The following CLMP variants were observed in gnomAD, a reference collection of about 807,000 sequenced individuals.
The protein encoded by CLMP is CXADR-like membrane protein.
A neutral mutation model predicts 45.2 loss-of-function variants in CLMP; 27 were observed. That is an observed-to-expected ratio of 0.60 (90% CI 0.44 to 0.82). The LOEUF (loss-of-function observed/expected upper bound fraction) is 0.82, where lower values mean the gene tolerates loss of function less well. Ranked by LOEUF, CLMP falls within the 40% of genes least tolerant of loss-of-function variation. CLMP has a pLI of 0.00. For synonymous variants in CLMP, 167 were observed against 171.4 expected (o/e 0.97, Z 0.20); for missense variants, 403 against 448.4 (o/e 0.90, Z 0.91).
At position 123,154,829 on chromosome 11, in the gene CLMP, T is replaced by G. The variant is rs184432680; in HGVS notation, c.28+40084A>C. ...GATCAGATGTTCTGATGGGCAGTTA[T>G]ACATCCTTTTGATGAATATAATGGG... On this transcript the variant is annotated intron_variant, in intron 1 of 6. Coordinates refer to ENST00000448775, the MANE Select transcript of CLMP (RefSeq NM_024769.5). Among the ~76,000 whole-genome samples the G allele has an allele frequency of 2.0e-4, 31 of 152,356 alleles. No individual in the cohort carries two copies. The East Asian group carries it at 5.0e-3, about 25-fold the overall frequency.
chr11:123,161,422 T>C (rs2135533657), intron 1 of CLMP, among the ~76,000 whole-genome samples: 1 of 152,166 alleles, frequency 6.6e-6, no homozygotes, highest in African/African-American at 2.4e-5. Flanking sequence ...ATCCCAGCAC[T>C]TTAGGAGGCC....
chr11:123,088,523 C>G (rs1490635760), intron 2 of CLMP, among the ~76,000 whole-genome samples: 1 of 152,182 alleles, frequency 6.6e-6, no homozygotes, highest in Non-Finnish European at 1.5e-5. Flanking sequence ...ACCTACAAGA[C>G]AGTGAAGCAC....
chr11:123,156,452 T>C (rs1465271945), intron 1 of CLMP, among the ~76,000 whole-genome samples: 2 of 152,230 alleles, frequency 1.3e-5, no homozygotes, highest in Non-Finnish European at 2.9e-5. Flanking sequence ...CAGGACCGCC[T>C]AGCTAAGCTG....
intron 1 of CLMP, among the ~76,000 whole-genome samples, chr11:123,114,081 G>A (rs983369371): frequency 2.7e-4 from 41 of 152,194 alleles, no homozygotes; most frequent in African/African-American, 9.6e-4. Context: ...ATGTGAAGTC[G>A]CTTTCTAAAT....
At chr11:123,092,361 A>C (rs1353873170) in intron 2 of CLMP, among the ~76,000 whole-genome samples, 1 of 151,572 alleles carries the variant, frequency 6.6e-6, no homozygotes, top group East Asian at 1.9e-4. Flanking sequence ...GCAGTGGCAC[A>C]ATCTTGGCCC....
rs906141221 is a variant in CLMP, at chr11:123,152,723, GA to G, written c.28+42189del. Among the ~76,000 whole-genome samples, 35 of 149,324 alleles carry G rather than the reference GA, an allele frequency of 2.3e-4. 3 individuals are homozygous for G. The highest frequency in any genetic ancestry group is 8.5e-4 in the African/African-American group (34 of 40,146). On this transcript the variant is annotated intron_variant, in intron 1 of 6. Transcript: ENST00000448775. Reference sequence around the variant, plus strand: ...GTACTTTGTTTTGGCACCCCCAGGGGAAAAAATACACCCCTCAAGGACAGGT... The same window carrying G: ...GTACTTTGTTTTGGCACCCCCAGGGGAAAAATACACCCCTCAAGGACAGGT...
At position 123,109,059 on chromosome 11, in the gene CLMP, CAAAAAAAAAAA is replaced by C. The variant is rs776811883; in HGVS notation, c.29-11118_29-11108del. Among the ~76,000 whole-genome samples, 16 of 64,262 alleles carry C rather than the reference CAAAAAAAAAAA, an allele frequency of 2.5e-4. No individual in the cohort carries two copies. In the East Asian group the frequency reaches 4.9e-3, roughly 20 times the overall value. The allele number at this position is 64,262 out of a possible 152,430, so 42.2% of individuals were successfully genotyped here. A position where few individuals can be genotyped will look rare whatever the true frequency, so the allele number is the denominator to read the frequency against. On this transcript the variant is annotated intron_variant, in intron 1 of 6. Coordinates refer to ENST00000448775, the MANE Select transcript of CLMP (RefSeq NM_024769.5). ...GGGCAACAAGAGTGAAACTCTGTCT[CAAAAAAAAAAA>C]AAAAAAAAAAGAAAGAAAGAAAAAA...
intron 1 of CLMP, among the ~76,000 whole-genome samples, chr11:123,138,885 C>T (rs1252052435): frequency 6.6e-6 from 1 of 152,082 alleles, no homozygotes; most frequent in African/African-American, 2.4e-5. Context: ...GAACTCCTGA[C>T]CTCAGGTGAT....
chr11:123,149,876 A>G (rs1006645055), intron 1 of CLMP, among the ~76,000 whole-genome samples: 2 of 150,186 alleles, frequency 1.3e-5, no homozygotes, highest in African/African-American at 2.5e-5. Context: ...TAGTGGTGCA[A>G]TCTCACCTCA....
chr11:123,131,639 G>A (rs1591470742), intron 1 of CLMP, among the ~76,000 whole-genome samples: 1 of 151,680 alleles, frequency 6.6e-6, no homozygotes, highest in Middle Eastern at 3.4e-3. Context: ...TTTTGAAATG[G>A]AGTTTCGCTC....
chr11:123,173,248 A>T (rs1409974209), intron 1 of CLMP, among the ~76,000 whole-genome samples: 1 of 152,256 alleles, frequency 6.6e-6, no homozygotes, highest in Non-Finnish European at 1.5e-5. Flanking sequence ...CAGCATGTGT[A>T]ATTTCCCATG....
chr11:123,091,522 A>C (rs1405882232), intron 2 of CLMP, among the ~76,000 whole-genome samples: 3 of 152,146 alleles, frequency 2.0e-5, no homozygotes, highest in Admixed American at 6.6e-5. Flanking sequence ...GATTTCGACA[A>C]CCCAAGACAG....
chr11:123,159,351 G>A (rs1464749505), intron 1 of CLMP, among the ~76,000 whole-genome samples: 2 of 152,198 alleles, frequency 1.3e-5, no homozygotes, highest in Non-Finnish European at 2.9e-5. Context: ...CCCGGCGATG[G>A]GGCAAGCCTG....
intron 1 of CLMP, among the ~76,000 whole-genome samples, chr11:123,192,526 T>A (rs1861921277): frequency 6.6e-6 from 1 of 152,006 alleles, no homozygotes; most frequent in Admixed American, 6.6e-5. Context: ...GCTACTATAG[T>A]CATCCAGGAG....
chr11:123,175,380 T>C (rs779900883), intron 1 of CLMP, among the ~76,000 whole-genome samples: 1 of 152,166 alleles, frequency 6.6e-6, no homozygotes, highest in Non-Finnish European at 1.5e-5. Flanking sequence ...CTCACTATCA[T>C]GAGAACAGCA....
intron 1 of CLMP, among the ~76,000 whole-genome samples, chr11:123,127,842 G>A (rs1860921101): frequency 6.6e-6 from 1 of 152,076 alleles, no homozygotes; most frequent in South Asian, 2.1e-4. Context: ...TTCGACACCA[G>A]CCTGGCCAAC....
intron 1 of CLMP, among the ~76,000 whole-genome samples, chr11:123,150,538 A>AGGAAGGAAGGAAG (rs1197943397): frequency 5.2e-5 from 7 of 134,098 alleles, no homozygotes; most frequent in African/African-American, 1.5e-4. Context: ...GAAAGAAACA[A>AGGAAGGAAGGAAG]GCAAGGAAGG....
intron 2 of CLMP, among the ~76,000 whole-genome samples, chr11:123,095,023 C>A (rs1443727165): frequency 2.0e-5 from 3 of 152,126 alleles, no homozygotes; most frequent in African/African-American, 4.8e-5. Context: ...TATCCTGGTA[C>A]CTAGCATGGC....
At chr11:123,174,559 C>A (rs1057404953) in intron 1 of CLMP, among the ~76,000 whole-genome samples, 18 of 152,110 alleles carry the variant, frequency 1.2e-4, no homozygotes, top group African/African-American at 4.1e-4. Flanking sequence ...AATAAAAGAG[C>A]CTCCCACTTG....
Sources: allele counts gnomAD v4.1 joint callset (sites outside exome capture counted in the v4.1 genomes callset), GRCh38; gene constraint gnomAD v4.1.1; transcripts MANE v1.5; gene names NCBI Gene and HGNC (gene_info 2026-07-23, HGNC 2026-07-21).